NBEA: variants seen among roughly 807,000 people sequenced by gnomAD.
NBEA encodes the protein lysosomal-trafficking regulator 2.
NBEA carries 44 observed loss-of-function variants against 343.4 expected under a neutral mutation model. The observed-to-expected ratio is 0.13, with a 90% confidence interval of 0.10 to 0.16. The LOEUF is 0.16. Ranked by LOEUF, NBEA falls within the 10% of genes least tolerant of loss-of-function variation. The pLI, the probability that NBEA is intolerant of heterozygous loss-of-function variation, is 1.00. For missense variants in NBEA, 2,555 were observed against 3,631.3 expected (o/e 0.70, Z 7.62); for synonymous variants, 1,175 against 1,238.7 (o/e 0.95, Z 1.08).
intron 1 of NBEA, among the ~76,000 whole-genome samples, chr13:35,021,821 C>T (rs1473746399): frequency 6.6e-6 from 1 of 152,030 alleles, no homozygotes; most frequent in Non-Finnish European, 1.5e-5. Flanking sequence ...ATCTTAAGCC[C>T]ATAGTACATT....
At chr13:35,344,327 A>G (rs1202215332) in intron 36 of NBEA, among the ~76,000 whole-genome samples, 1 of 152,066 alleles carries the variant, frequency 6.6e-6, no homozygotes, top group Non-Finnish European at 1.5e-5. Context: ...AAATTAATGA[A>G]CTAAATCTCT....
intron 18 of NBEA, among the ~76,000 whole-genome samples, chr13:35,149,891 A>G (rs151285120): frequency 8.1e-4 from 123 of 152,304 alleles, no homozygotes; most frequent in African/African-American, 2.7e-3. Flanking sequence ...ATGTATTTCT[A>G]TTAGTCTTCC....
In NBEA at chr13:35,358,437, C is replaced by T. The variant is rs184612380; in HGVS notation, c.6179+6114C>T. Among the ~76,000 whole-genome samples, 253 of 152,118 alleles carry T rather than the reference C, an allele frequency of 1.7e-3. 1 individual carries two copies. Among genetic ancestry groups the T allele is most frequent in the Admixed American group, 4.7e-3 (72 of 15,282 alleles). On this transcript the variant is annotated intron_variant, in intron 38 of 58. Transcript: ENST00000379939. ...TTGAATTAATAATTATAGAAACAGG[C>T]CAGGCAAGGTGGCTCAAACCTGTAA...
At chr13:35,260,825 T>C (rs770692124) in intron 34 of NBEA, among the ~76,000 whole-genome samples, 4 of 152,192 alleles carry the variant, frequency 2.6e-5, no homozygotes, top group Non-Finnish European at 5.9e-5. Flanking sequence ...CTAATTGATT[T>C]CCTGGGACAG....
chr13:35,115,898 A>G (rs2066469562), intron 13 of NBEA, among the ~76,000 whole-genome samples: 1 of 152,228 alleles, frequency 6.6e-6, no homozygotes, highest in Non-Finnish European at 1.5e-5. Flanking sequence ...GAAGAAAACA[A>G]ACCTAAGGCA....
intron 43 of NBEA, among the ~76,000 whole-genome samples, chr13:35,551,898 C>T (rs2079344952): frequency 6.6e-6 from 1 of 152,192 alleles, no homozygotes; most frequent in Non-Finnish European, 1.5e-5. Flanking sequence ...CAATCTTTAT[C>T]TTAAGTCCCT....
At position 35,409,455 on chromosome 13, in the gene NBEA, C is replaced by G. The variant is rs564309006; in HGVS notation, c.6180-22814C>G. Among the ~76,000 whole-genome samples, 26 of 151,944 alleles carry G rather than the reference C, an allele frequency of 1.7e-4. No homozygotes were observed. In the South Asian group the frequency reaches 3.3e-3, roughly 19 times the overall value. ...ACAAACCCCCATGATACAAGTTTAC[C>G]TATGTAACAAACCTGCACAAGTACC... On this transcript the variant is annotated intron_variant, in intron 38 of 58. Transcript: ENST00000379939.
At chr13:35,382,048 A>C (rs2042039289) in intron 38 of NBEA, among the ~76,000 whole-genome samples, 2 of 152,174 alleles carry the variant, frequency 1.3e-5, no homozygotes, top group African/African-American at 2.4e-5. Context: ...TAAATGTTAT[A>C]ATGAGGTCAC....
intron 22 of NBEA, 38 bp from the exon 23 acceptor site, chr13:35,161,712 T>C (rs747870508): frequency 6.6e-7 from 1 of 1,514,626 alleles, no homozygotes; most frequent in South Asian, 1.2e-5. Flanking sequence ...GAGGCATTTC[T>C]TTTGTATTCC....
At chr13:35,117,327 G>T (rs2066549535) in intron 13 of NBEA, 87 bp from the exon 14 acceptor site, 2 of 508,404 alleles carry the variant, frequency 3.9e-6, no homozygotes, top group South Asian at 7.5e-5. Context: ...AATTATTCAA[G>T]AATGCCATAG....
At chr13:35,584,384 T>A (rs9574175) in intron 46 of NBEA, among the ~76,000 whole-genome samples, 19,799 of 150,948 alleles carry the variant, frequency 0.13, 1,424 homozygotes, top group East Asian at 0.27. Flanking sequence ...AGTAGCACTA[T>A]CATAGCTCAC....
chr13:35,453,301 A>G (rs1489897090), intron 40 of NBEA, among the ~76,000 whole-genome samples: 2 of 152,210 alleles, frequency 1.3e-5, no homozygotes, highest in African/African-American at 2.4e-5. Flanking sequence ...TTCTAATGCT[A>G]GTTCCTAGAT....
At chr13:35,478,875 C>T (rs1421136668) in intron 41 of NBEA, among the ~76,000 whole-genome samples, 1 of 152,252 alleles carries the variant, frequency 6.6e-6, no homozygotes, top group Non-Finnish European at 1.5e-5. Context: ...CGGGGAGGCC[C>T]CAGGGCTGTT....
intron 23 of NBEA, among the ~76,000 whole-genome samples, chr13:35,163,432 T>A (rs1286464844): frequency 6.6e-6 from 1 of 151,974 alleles, no homozygotes; most frequent in African/African-American, 2.4e-5. Context: ...GGCGGGAGGA[T>A]AGCTGGAGCT....
chr13:34,993,782 T>A (rs1318010381), intron 1 of NBEA, among the ~76,000 whole-genome samples: 1 of 152,192 alleles, frequency 6.6e-6, no homozygotes, highest in African/African-American at 2.4e-5. Flanking sequence ...AAATTTTCAT[T>A]TGTAAGAAAT....
chr13:35,462,222 A>G (rs866233788), intron 40 of NBEA, among the ~76,000 whole-genome samples: 42 of 152,322 alleles, frequency 2.8e-4, no homozygotes, highest in South Asian at 1.2e-3. Context: ...ATATGATCAA[A>G]ATTCTGCCCT....
At chr13:35,664,190 A>C (rs956884162) in intron 55 of NBEA, among the ~76,000 whole-genome samples, 1 of 152,170 alleles carries the variant, frequency 6.6e-6, no homozygotes, top group East Asian at 1.9e-4. Context: ...GGGGCTATTC[A>C]GGGGGAGGTG....
At chr13:35,615,369 A>T (rs1027441791) in intron 48 of NBEA, among the ~76,000 whole-genome samples, 1 of 151,164 alleles carries the variant, frequency 6.6e-6, no homozygotes, top group African/African-American at 2.4e-5. Context: ...TTTGAGACAG[A>T]GTCTTACTCT....
chr13:35,049,966 A>G (rs140143595), intron 5 of NBEA, among the ~76,000 whole-genome samples: 19 of 151,950 alleles, frequency 1.3e-4, no homozygotes, highest in African/African-American at 4.3e-4. Flanking sequence ...TGCTGATTGC[A>G]AATGGTCCTT....
Sources: gnomAD v4.1 joint callset for allele counts (sites outside exome capture counted in the v4.1 genomes callset) on GRCh38, gnomAD v4.1.1 for gene constraint, MANE v1.5 for transcripts, NCBI Gene and HGNC (gene_info 2026-07-23, HGNC 2026-07-21) for gene names.